SUPT16H: variants seen among roughly 807,000 people sequenced by gnomAD.
SUPT16H encodes FACT complex subunit SPT16.
A neutral mutation model predicts 136.2 loss-of-function variants in SUPT16H; 24 were observed. The ratio of observed to expected loss-of-function variants is 0.18; its 90% CI spans 0.13 to 0.25. The LOEUF is 0.25. Among genes scored for constraint, SUPT16H ranks in the 10% least tolerant of loss-of-function variants. SUPT16H has a pLI of 1.00. For missense variants in SUPT16H, 623 were observed against 1,270.2 expected, an observed-to-expected ratio of 0.49 and a Z score of 7.74; for synonymous variants, 415 against 428.2, an observed-to-expected ratio of 0.97 and a Z score of 0.38.
At chr14:21,357,785 T>G (rs1356072322) in intron 21 of SUPT16H, 142 bp downstream of exon 21, 13 of 893,764 alleles carry the variant, frequency 1.5e-5, no homozygotes, top group Non-Finnish European at 1.9e-5. Flanking sequence ...CTAAAGAGAC[T>G]TTAAAAGTAA....
chr14:21,353,722 T>C lies in SUPT16H; in HGVS notation c.2901A>G (p.Ser967=), dbSNP rs139833870. The change falls in exon 24 of 26, where the codon TCA becomes TCG. Residue 967 remains serine, a synonymous_variant. Coordinates refer to ENST00000216297, the MANE Select transcript of SUPT16H (RefSeq NM_007192.4). ...ACTAACCTGACTCTTCTGCTTCTGATGAATAATCTTCATCACTGTCCTCCT... is the reference window on the plus strand; with the variant it reads ...ACTAACCTGACTCTTCTGCTTCTGACGAATAATCTTCATCACTGTCCTCCT... ...EEEEDSDEDY[S]SEAEESDYSK... is the part of the protein sequence containing the mutation. The C allele has an allele frequency of 1.2e-4, 195 of 1,613,528 alleles. No individual in the cohort carries two copies. Among genetic ancestry groups the C allele is most frequent in the Non-Finnish European group, 1.6e-4 (189 of 1,179,818 alleles).
Position 21,366,467 on chromosome 14 carries a change from G to T in SUPT16H, c.1018C>A (p.Leu340Met). 1 of 1,614,094 alleles carries T rather than the reference G, an allele frequency of 6.2e-7. No homozygotes were observed. Among genetic ancestry groups the T allele is most frequent in the African/African-American group, 1.3e-5 (1 of 75,038 alleles). ...AGGTTTTTGGTAATTTTGTTCAGCA[G>T]TTCTGGCTTCTGCTTTTTAACCACG... ...MDVVKKQKPE[L>M]LNKITKNLGF... The change falls in exon 8 of 26, where the codon CTG becomes ATG. Residue 340 changes from leucine (L) to methionine (M), a missense_variant. By Grantham distance (15) the Leu-to-Met change is conservative. This residue lies in a region of SUPT16H where 343 missense variants were observed against 525.7 expected (regional missense o/e 0.65). Transcript: ENST00000216297.
intron 2 of SUPT16H, chr14:21,372,616 G>A: frequency 2.4e-6 from 1 of 418,844 alleles, no homozygotes; most frequent in Non-Finnish European, 4.6e-6. Flanking sequence ...GAATGTAGAT[G>A]AAACACCTGG....
chr14:21,380,017 GC>G (rs1886988010), intron 1 of SUPT16H, among the ~76,000 whole-genome samples: 2 of 152,206 alleles, frequency 1.3e-5, no homozygotes, highest in South Asian at 4.1e-4. Flanking sequence ...TGCCTATACA[GC>G]TGGCTCTCCT....
At chr14:21,352,847 A>G (rs1253061536) in intron 25 of SUPT16H, 29 bp from the exon 26 acceptor site, 1 of 1,614,052 alleles carries the variant, frequency 6.2e-7, no homozygotes. Context: ...ATTAGTTAGC[A>G]ATAGGTAAGC....
intron 25 of SUPT16H, 37 bp downstream of exon 25, chr14:21,353,451 T>C: frequency 6.3e-7 from 1 of 1,586,260 alleles, no homozygotes. Flanking sequence ...AATTTGTGCG[T>C]AGACAAATGA....
intron 22 of SUPT16H, among the ~76,000 whole-genome samples, chr14:21,356,881 A>T (rs1886445922): frequency 6.6e-6 from 1 of 152,196 alleles, no homozygotes; most frequent in African/African-American, 2.4e-5. Context: ...TAATCCTGGT[A>T]CGTTGGGAGA....
chr14:21,380,335 T>G (rs1886996841), intron 1 of SUPT16H, among the ~76,000 whole-genome samples: 1 of 125,942 alleles, frequency 7.9e-6, no homozygotes, highest in Non-Finnish European at 1.7e-5. Context: ...TCTCTCTCAC[T>G]ATGTTGCCCA....
intron 8 of SUPT16H, among the ~76,000 whole-genome samples, chr14:21,365,566 T>C: frequency 6.6e-6 from 1 of 152,222 alleles, no homozygotes; most frequent in East Asian, 1.9e-4. Context: ...TAGGTATATA[T>C]TTCCATGAGA....
chr14:21,357,324 A>C lies in SUPT16H; in HGVS notation c.2533T>G (p.Phe845Val). ...TTCAGGTGAAACTGGACCCGCTCAAAGTGGATCAGCTCTACCTCATCCAAT... is the reference window on the plus strand; with the variant it reads ...TTCAGGTGAAACTGGACCCGCTCAACGTGGATCAGCTCTACCTCATCCAAT... ...VTLDEVELIH[F>V]ERVQFHLKNF... Residue 845 changes from phenylalanine to valine, a missense_variant, in exon 22 of 26, where the codon TTT becomes GTT. Physicochemically the swap from Phe to Val is conservative, Grantham distance 50. Coordinates refer to ENST00000216297, the MANE Select transcript of SUPT16H (RefSeq NM_007192.4). The C allele has an allele frequency of 6.2e-7, 1 of 1,613,262 alleles. No individual in the cohort carries two copies. Among genetic ancestry groups the C allele is most frequent in the Non-Finnish European group, 8.5e-7 (1 of 1,179,522 alleles).
intron 7 of SUPT16H, among the ~76,000 whole-genome samples, chr14:21,367,145 TAGC>T (rs1490164922): frequency 6.6e-6 from 1 of 152,192 alleles, no homozygotes; most frequent in Non-Finnish European, 1.5e-5. Context: ...TTCGCCGTGT[TAGC>T]CAGGATGGTC....
chr14:21,383,830 C>A (rs749923179), intron 1 of SUPT16H, 32 bp downstream of exon 1: 3 of 1,613,324 alleles, frequency 1.9e-6, no homozygotes, highest in East Asian at 4.5e-5. Flanking sequence ...GCTAAGGGGG[C>A]TCCCTAGGAA....
chr14:21,361,929 GTTAA>G, intron 15 of SUPT16H, among the ~76,000 whole-genome samples: 1 of 152,066 alleles, frequency 6.6e-6, no homozygotes, highest in East Asian at 1.9e-4. Context: ...ACCACCCCTG[GTTAA>G]TTATTTTTTA....
intron 21 of SUPT16H, 116 bp from the exon 22 acceptor site, chr14:21,357,482 GTTTT>G: frequency 9.6e-7 from 1 of 1,043,616 alleles, no homozygotes; most frequent in Non-Finnish European, 1.3e-6. Context: ...CTGTTTTTTG[GTTTT>G]TTTTTTGAAA....
intron 19 of SUPT16H, 95 bp downstream of exon 19, chr14:21,359,389 C>T: frequency 6.5e-7 from 1 of 1,533,684 alleles, no homozygotes; most frequent in Non-Finnish European, 8.8e-7. Flanking sequence ...AGTCACCACG[C>T]CAGCCCAGTT....
intron 7 of SUPT16H, 104 bp downstream of exon 7, chr14:21,368,165 T>C (rs879189696): frequency 8.4e-7 from 1 of 1,197,296 alleles, no homozygotes; most frequent in East Asian, 2.4e-5. Context: ...GTGATCCTCC[T>C]GCCTCGGCCT....
intron 3 of SUPT16H, among the ~76,000 whole-genome samples, chr14:21,370,740 A>G (rs1398301050): frequency 6.6e-6 from 1 of 151,908 alleles, no homozygotes; most frequent in Non-Finnish European, 1.5e-5. Context: ...CGGCCTCCCA[A>G]GTAGCTGGGA....
Position 21,362,901 on chromosome 14 carries a change from T to G in SUPT16H, c.1558A>C (p.Lys520Gln). The G allele has an allele frequency of 6.2e-7, 1 of 1,614,014 alleles. No homozygotes were observed. Among genetic ancestry groups the G allele is most frequent in the Non-Finnish European group, 8.5e-7 (1 of 1,179,976 alleles). ...VSYKNPSLMP[K>Q]EPHIREMKIY... ...TTCATTTCCCGAATATGTGGTTCCT[T>G]AGGCATCAGAGATGGGTTTTTATAG... The change falls in exon 14 of 26, where the codon AAG becomes CAG. Residue 520 changes from lysine to glutamine, a missense_variant. Physicochemically the swap from Lys to Gln is moderately conservative, Grantham distance 53. This residue lies in a region of SUPT16H where 62 missense variants were observed against 200.5 expected (regional missense o/e 0.31). Coordinates refer to ENST00000216297, the MANE Select transcript of SUPT16H (RefSeq NM_007192.4).
In SUPT16H at chr14:21,370,441, T is replaced by C; in HGVS notation, c.378A>G (p.Lys126=). 6.2e-7 allele frequency: 1 copy of C among 1,614,188 alleles called. No individual in the cohort carries two copies. The highest frequency in any genetic ancestry group is 2.2e-5 in the East Asian group (1 of 44,882). ...CAATCTTCTTGCCATTCTTGCTTTC[T>C]TTAATGGCTTCAATCATTTTGTCAA... is the stretch of plus-strand genomic sequence containing the variant. ...SSFDKMIEAI[K]ESKNGKKIGV... Residue 126 remains lysine, a synonymous_variant, in exon 4 of 26, where the codon AAA becomes AAG. Coordinates refer to ENST00000216297, the MANE Select transcript of SUPT16H (RefSeq NM_007192.4).
Sources: allele counts gnomAD v4.1 joint callset (sites outside exome capture counted in the v4.1 genomes callset), GRCh38; gene constraint gnomAD v4.1.1; regional missense constraint gnomAD v4.1.1; transcripts MANE v1.5; gene names NCBI Gene and HGNC (gene_info 2026-07-23, HGNC 2026-07-21).